Variants in RORA observed in about 807,000 individuals in gnomAD.
RORA encodes the protein nuclear receptor ROR-alpha.
RORA carries 7 observed loss-of-function variants against 69.5 expected under a neutral mutation model. That is an observed-to-expected ratio of 0.10 (90% CI 0.06 to 0.19). The LOEUF (loss-of-function observed/expected upper bound fraction) is 0.19, where lower values mean the gene tolerates loss of function less well. RORA is among the 10% of genes least tolerant of loss of function. The pLI, the probability that RORA is intolerant of heterozygous loss-of-function variation, is 1.00. For missense variants in RORA, 457 were observed against 663.0 expected, an observed-to-expected ratio of 0.69 and a Z score of 3.41; for synonymous variants, 261 against 240.8, an observed-to-expected ratio of 1.08 and a Z score of -0.78.
At chr15:60,996,349 G>C (rs1894533699) in intron 1 of RORA, among the ~76,000 whole-genome samples, 2 of 152,246 alleles carry the variant, frequency 1.3e-5, no homozygotes, top group South Asian at 4.1e-4. Flanking sequence ...TAGGATTACA[G>C]GCATGAGCCA....
intron 1 of RORA, among the ~76,000 whole-genome samples, chr15:60,790,310 A>G (rs2072397029): frequency 6.6e-6 from 1 of 152,222 alleles, no homozygotes; most frequent in Admixed American, 6.5e-5. Flanking sequence ...TCCACTCACA[A>G]TCTTGGTGCA....
At chr15:60,743,371 T>A (rs749625707) in intron 1 of RORA, among the ~76,000 whole-genome samples, 1 of 152,332 alleles carries the variant, frequency 6.6e-6, no homozygotes, top group African/African-American at 2.4e-5. Flanking sequence ...AAAATTAAAC[T>A]TAGGCTAATT....
intron 2 of RORA, among the ~76,000 whole-genome samples, chr15:60,561,628 T>G (rs991367646): frequency 1.3e-5 from 2 of 152,158 alleles, no homozygotes; most frequent in African/African-American, 2.4e-5. Context: ...TAATAGATTC[T>G]GAATTGCAAA....
intron 2 of RORA, among the ~76,000 whole-genome samples, chr15:60,586,277 G>T (rs2140501092): frequency 6.6e-6 from 1 of 152,252 alleles, no homozygotes; most frequent in South Asian, 2.1e-4. Context: ...TGGGTTAAGT[G>T]CCAAGTCAAT....
chr15:60,987,340 T>C (rs960608119), intron 1 of RORA, among the ~76,000 whole-genome samples: 21 of 152,162 alleles, frequency 1.4e-4, no homozygotes, highest in Non-Finnish European at 1.6e-4. Context: ...ATTATCCAAG[T>C]CTGCTTATTC....
chr15:60,838,263 T>G (rs187426018), intron 1 of RORA, among the ~76,000 whole-genome samples: 10 of 144,890 alleles, frequency 6.9e-5, no homozygotes, highest in African/African-American at 2.9e-4. Flanking sequence ...AGAAAACAGG[T>G]GTAATTTGTT....
intron 1 of RORA, among the ~76,000 whole-genome samples, chr15:60,685,161 G>A (rs747748497): frequency 2.0e-5 from 3 of 152,106 alleles, no homozygotes; most frequent in Non-Finnish European, 4.4e-5. Context: ...GTTATTAAAC[G>A]GGATAATCCG....
intron 1 of RORA, among the ~76,000 whole-genome samples, chr15:60,806,466 G>A (rs1325919140): frequency 1.3e-5 from 2 of 152,192 alleles, no homozygotes; most frequent in Non-Finnish European, 2.9e-5. Flanking sequence ...TAATATCGCA[G>A]AACTCTTATC....
chr15:60,836,256 G>C (rs1024479834), intron 1 of RORA, among the ~76,000 whole-genome samples: 3 of 152,158 alleles, frequency 2.0e-5, no homozygotes, highest in Admixed American at 6.5e-5. Flanking sequence ...TCAAAGATCT[G>C]GGCTGGCCAC....
chr15:60,614,412 C>A (rs140323427), intron 2 of RORA, among the ~76,000 whole-genome samples: 2 of 152,230 alleles, frequency 1.3e-5, no homozygotes, highest in Non-Finnish European at 1.5e-5. Flanking sequence ...CAAATCAGTA[C>A]AAATGCAACC....
chr15:60,691,228 C>A lies in RORA; in HGVS notation c.167-12542G>T, dbSNP rs1040121714. Among the ~76,000 whole-genome samples the A allele has an allele frequency of 1.1e-4, 16 of 152,284 alleles. 1 individual carries two copies. The highest frequency in any genetic ancestry group is 9.2e-4 in the Admixed American group (14 of 15,294). Reference sequence around the variant, plus strand: ...CATCTCCTGCTAGAATGCTTCCCAGCCGGCTTATCCACATTCGCTCTCCCT... The same window carrying A: ...CATCTCCTGCTAGAATGCTTCCCAGACGGCTTATCCACATTCGCTCTCCCT... On this transcript the variant is annotated intron_variant, in intron 1 of 10. Transcript: ENST00000335670.
At chr15:60,910,196 A>T (rs1453931260) in intron 1 of RORA, among the ~76,000 whole-genome samples, 1 of 152,212 alleles carries the variant, frequency 6.6e-6, no homozygotes, top group Non-Finnish European at 1.5e-5. Context: ...TCCAGGTTGT[A>T]TTGAACAGAG....
chr15:60,517,037 A>G (rs1289654540), intron 3 of RORA, among the ~76,000 whole-genome samples: 1 of 152,134 alleles, frequency 6.6e-6, no homozygotes, highest in Non-Finnish European at 1.5e-5. Context: ...AAGATTTGGA[A>G]AATTATGCCC....
intron 1 of RORA, among the ~76,000 whole-genome samples, chr15:61,197,671 A>T (rs1025572255): frequency 6.6e-6 from 1 of 152,210 alleles, no homozygotes; most frequent in Non-Finnish European, 1.5e-5. Flanking sequence ...ATGTCAAAAA[A>T]TATCAATCCC....
chr15:60,820,123 C>T (rs1348335881), intron 1 of RORA, among the ~76,000 whole-genome samples: 1 of 152,248 alleles, frequency 6.6e-6, no homozygotes, highest in African/African-American at 2.4e-5. Flanking sequence ...GGAAACTAGT[C>T]GATTGGGACA....
chr15:60,501,603 C>T (rs1178374035), intron 8 of RORA, among the ~76,000 whole-genome samples: 2 of 152,170 alleles, frequency 1.3e-5, no homozygotes, highest in African/African-American at 4.8e-5. Context: ...GTCTAATAGC[C>T]ATATTCTAAC....
At chr15:61,108,364 G>A (rs2140773826) in intron 1 of RORA, among the ~76,000 whole-genome samples, 1 of 152,220 alleles carries the variant, frequency 6.6e-6, no homozygotes, top group East Asian at 1.9e-4. Flanking sequence ...CTGATCCCCT[G>A]CACAATGTTA....
At chr15:60,682,148 G>T (rs1031313601) in intron 1 of RORA, among the ~76,000 whole-genome samples, 1 of 152,198 alleles carries the variant, frequency 6.6e-6, no homozygotes, top group African/African-American at 2.4e-5. Context: ...ACACTTAAAA[G>T]ACTGTTGTGA....
At chr15:61,040,049 C>T (rs1480681490) in intron 1 of RORA, among the ~76,000 whole-genome samples, 9 of 138,502 alleles carry the variant, frequency 6.5e-5, no homozygotes, top group Non-Finnish European at 1.1e-4. Flanking sequence ...ATTCCAACTT[C>T]GTAAATTGTG....
Sources: allele counts gnomAD v4.1 joint callset (sites outside exome capture counted in the v4.1 genomes callset), GRCh38; gene constraint gnomAD v4.1.1; transcripts MANE v1.5; gene names NCBI Gene and HGNC (gene_info 2026-07-23, HGNC 2026-07-21).